The following AAMDC variants were observed in gnomAD, a reference collection of about 807,000 sequenced individuals.
The protein encoded by AAMDC is adipogenesis associated Mth938 domain containing, also known as mth938 domain-containing protein.
Under a neutral mutation model 15.5 loss-of-function variants are expected in AAMDC, and 16 were observed. The observed-to-expected ratio is 1.03, with a 90% CI of 0.70 to 1.57. The LOEUF is 1.57. Among genes scored for constraint, AAMDC ranks in the 40% most tolerant of loss-of-function variants. AAMDC has a pLI of 0.00. For synonymous variants in AAMDC, 51 were observed against 51.6 expected (o/e 0.99, Z 0.05); for missense variants, 141 against 144.9 (o/e 0.97, Z 0.14).
chr11:77,883,919 G>A (rs1951888555), intron 5 of AAMDC: 3 of 1,613,240 alleles, frequency 1.9e-6, no homozygotes, highest in African/African-American at 1.3e-5. Context: ...GGCTTGGGGT[G>A]AATCATCTGA....
rs138281288 is a variant in AAMDC at position 77,880,047 on chromosome 11, G to A, written c.328+2998G>A. 4.4e-3 allele frequency among the ~76,000 whole-genome samples: 677 copies of A among 152,284 alleles called. 1 individual carries two copies. Among genetic ancestry groups the A allele is most frequent in the Non-Finnish European group, 7.6e-3 (517 of 68,022 alleles). On this transcript the variant is annotated intron_variant, in intron 5 of 5. Coordinates refer to the AAMDC transcript ENST00000304716. ...CAGTTACTCATTCTATTAACCACAA[G>A]CTTCTATAAAGAAGAGGGAGAGAAT...
chr11:77,827,542 C>G (rs1949234801), intron 1 of AAMDC, among the ~76,000 whole-genome samples: 1 of 152,124 alleles, frequency 6.6e-6, no homozygotes, highest in Admixed American at 6.5e-5. Flanking sequence ...ATAGTCATCT[C>G]AATAGATGCA....
intron 2 of AAMDC, among the ~76,000 whole-genome samples, chr11:77,853,117 C>T (rs999907747): frequency 6.6e-6 from 1 of 152,208 alleles, no homozygotes; most frequent in Middle Eastern, 3.4e-3. Context: ...TTGCCAAATT[C>T]CCCTTTTTGG....
At chr11:77,827,153 C>T (rs892279797) in intron 1 of AAMDC, among the ~76,000 whole-genome samples, 4 of 151,872 alleles carry the variant, frequency 2.6e-5, no homozygotes, top group South Asian at 2.1e-4. Context: ...CCTGGCCCCG[C>T]CCCCCTCAGA....
intron 5 of AAMDC, chr11:77,878,626 T>C: frequency 1.7e-6 from 1 of 595,870 alleles, no homozygotes; most frequent in South Asian, 2.1e-5. Context: ...TGGATCTTTG[T>C]GTTTCACACC....
intron 2 of AAMDC, among the ~76,000 whole-genome samples, chr11:77,845,241 C>T (rs923227774): frequency 2.0e-5 from 3 of 152,026 alleles, no homozygotes; most frequent in Non-Finnish European, 2.9e-5. Flanking sequence ...TATTGATAGG[C>T]GTTAGGGTGT....
chr11:77,877,811 G>A (rs535906472), intron 5 of AAMDC, among the ~76,000 whole-genome samples: 3 of 151,684 alleles, frequency 2.0e-5, no homozygotes, highest in Admixed American at 6.6e-5. Flanking sequence ...TTGAACTCCT[G>A]GGCTCAAGAA....
chr11:77,832,981 GTGTGTGTGTGTGTGTGTA>G (rs1469640428), intron 1 of AAMDC, among the ~76,000 whole-genome samples: 14 of 55,802 alleles, frequency 2.5e-4, no homozygotes, highest in African/African-American at 9.1e-4. Context: ...GTGTGTGTGT[GTGTGTGTGTGTGTGTGTA>G]TATATATATA....
intron 1 of AAMDC, among the ~76,000 whole-genome samples, chr11:77,833,005 A>ATTTT (rs1223511206): frequency 3.0e-5 from 2 of 65,734 alleles, no homozygotes; most frequent in African/African-American, 1.5e-4. Flanking sequence ...GTGTATATAT[A>ATTTT]TATATTTTTT....
At chr11:77,872,358 G>A, downstream of AAMDC, 1 of 1,569,020 alleles carries the variant, frequency 6.4e-7, no homozygotes, top group Non-Finnish European at 8.6e-7. Context: ...GCCTATGCCT[G>A]TGACTGTCAC....
At chr11:77,824,349 T>G in intron 1 of AAMDC, among the ~76,000 whole-genome samples, 1 of 152,228 alleles carries the variant, frequency 6.6e-6, no homozygotes, top group East Asian at 1.9e-4. Context: ...GGCCTTTAAA[T>G]AAGCATTAAG....
chr11:77,848,310 T>A (rs1422893941), intron 2 of AAMDC, among the ~76,000 whole-genome samples: 1 of 152,170 alleles, frequency 6.6e-6, no homozygotes, highest in Non-Finnish European at 1.5e-5. Context: ...TAGTGCTGTA[T>A]ATTTCTATTT....
intron 1 of AAMDC, among the ~76,000 whole-genome samples, chr11:77,825,913 A>G (rs1158688514): frequency 1.3e-5 from 2 of 151,954 alleles, no homozygotes; most frequent in Non-Finnish European, 2.9e-5. Context: ...GCTGGTCTCA[A>G]ACTCCTGACC....
downstream of AAMDC, chr11:77,900,801 A>T (rs1347614120): frequency 3.4e-6 from 2 of 594,520 alleles, no homozygotes; most frequent in Non-Finnish European, 6.0e-6. Context: ...AGTTATCTGA[A>T]AGTCTTACAG....
intron 5 of AAMDC, among the ~76,000 whole-genome samples, chr11:77,889,439 T>A (rs1565224871): frequency 6.6e-6 from 1 of 151,902 alleles, no homozygotes; most frequent in East Asian, 1.9e-4. Flanking sequence ...GAGATATACC[T>A]AATGCTAGAT....
At chr11:77,826,023 A>G (rs969707941) in intron 1 of AAMDC, among the ~76,000 whole-genome samples, 4 of 152,102 alleles carry the variant, frequency 2.6e-5, no homozygotes, top group South Asian at 2.1e-4. Context: ...GCATGAGTCT[A>G]TTCTCTGACA....
At chr11:77,896,454 C>T (rs1952522480) in intron 5 of AAMDC, among the ~76,000 whole-genome samples, 1 of 152,040 alleles carries the variant, frequency 6.6e-6, no homozygotes, top group African/African-American at 2.4e-5. Context: ...AAGTTCAAGA[C>T]CAGCCTGACC....
intron 5 of AAMDC, chr11:77,879,196 TAAAG>T: frequency 2.6e-6 from 4 of 1,540,546 alleles, no homozygotes; most frequent in South Asian, 1.1e-5. Context: ...AATGTGAAGT[TAAAG>T]AAATATCAAA....
At chr11:77,863,294 A>T (rs886871575) in intron 2 of AAMDC, among the ~76,000 whole-genome samples, 1 of 152,000 alleles carries the variant, frequency 6.6e-6, no homozygotes, top group Non-Finnish European at 1.5e-5. Context: ...CACAGCAGAC[A>T]CCCTGCCGGA....
Sources: allele counts gnomAD v4.1 joint callset (sites outside exome capture counted in the v4.1 genomes callset), GRCh38; gene constraint gnomAD v4.1.1; transcripts MANE v1.5; gene names NCBI Gene and HGNC (gene_info 2026-07-23, HGNC 2026-07-21).